DRC7: variants seen among roughly 807,000 people sequenced by gnomAD.
The protein encoded by DRC7 is coiled-coil domain containing 135.
A neutral mutation model predicts 104.4 loss-of-function variants in DRC7; 80 were observed. The ratio of observed to expected loss-of-function variants is 0.77; its 90% CI spans 0.64 to 0.92. The LOEUF is 0.92. DRC7 is among the 40% of genes least tolerant of loss of function. The pLI is 0.00. For missense variants in DRC7, 1,034 were observed against 1,141.1 expected (o/e 0.91, Z 1.35); for synonymous variants, 405 against 447.3 (o/e 0.91, Z 1.19).
intron 8 of DRC7, among the ~76,000 whole-genome samples, chr16:57,709,498 T>G (rs2048769790): frequency 6.6e-6 from 1 of 152,180 alleles, no homozygotes; most frequent in Non-Finnish European, 1.5e-5. Flanking sequence ...TTTATTTAAC[T>G]AAGGGATTTC....
chr16:57,714,328 C>G (rs1279110354), intron 8 of DRC7: 3 of 160,578 alleles, frequency 1.9e-5, no homozygotes, highest in African/African-American at 7.5e-5. Flanking sequence ...TCATCAATAC[C>G]TATGCACTCT....
Position 57,697,967 on chromosome 16 carries a change from G to T in DRC7, c.18G>T (p.Glu6Asp). Reference protein sequence around the residue: MEVLREKVEEEEEAER... With the variant: MEVLRDKVEEEEEAER... ...GCTCCAGAATGGAGGTCCTGAGGGAGAAGGTGGAGGAGGAGGAGGAGGCCG... is the reference window on the plus strand; with the variant it reads ...GCTCCAGAATGGAGGTCCTGAGGGATAAGGTGGAGGAGGAGGAGGAGGCCG... Residue 6 changes from glutamate (E) to aspartate (D), a missense_variant, in exon 3 of 19, where the codon GAG (glutamate) becomes GAT (aspartate). Glu to Asp is a conservative substitution (Grantham distance 45). Transcript: ENST00000360716. 1 of 1,613,026 alleles carries T rather than the reference G, an allele frequency of 6.2e-7. No homozygotes were observed. Among genetic ancestry groups the T allele is most frequent in the African/African-American group, 1.3e-5 (1 of 75,038 alleles).
intron 13 of DRC7, chr16:57,725,659 A>G: frequency 5.3e-6 from 1 of 188,100 alleles, no homozygotes; most frequent in Non-Finnish European, 1.1e-5. Context: ...GAGTCCCTGT[A>G]TTACCCACTT....
intron 6 of DRC7, among the ~76,000 whole-genome samples, chr16:57,704,408 G>C (rs1201007110): frequency 7.6e-6 from 1 of 131,374 alleles, no homozygotes; most frequent in Admixed American, 8.0e-5. Context: ...CACACACACG[G>C]TTTCTTCTCC....
chr16:57,705,971 C>T (rs374861676), intron 7 of DRC7, among the ~76,000 whole-genome samples: 3 of 137,326 alleles, frequency 2.2e-5, no homozygotes, highest in Non-Finnish European at 4.7e-5. Flanking sequence ...TCCATCCATC[C>T]ATCCTCCCAC....
At chr16:57,710,116 G>C (rs1007372201) in intron 8 of DRC7, among the ~76,000 whole-genome samples, 6 of 152,146 alleles carry the variant, frequency 3.9e-5, no homozygotes, top group Non-Finnish European at 1.5e-5. Context: ...AATTGAGAGA[G>C]AACCGTTTTC....
intron 9 of DRC7, among the ~76,000 whole-genome samples, chr16:57,721,429 G>A (rs2148764035): frequency 6.6e-6 from 1 of 152,272 alleles, no homozygotes; most frequent in Non-Finnish European, 1.5e-5. Flanking sequence ...CGAAGGGCCT[G>A]CAGCCAGGGC....
At chr16:57,706,591 C>T (rs1370652764) in intron 7 of DRC7, among the ~76,000 whole-genome samples, 8 of 134,218 alleles carry the variant, frequency 6.0e-5, no homozygotes, top group Admixed American at 4.4e-4. Context: ...CCCATCCTCC[C>T]ATCCGTCCAT....
At chr16:57,728,728 G>C in intron 17 of DRC7, 144 bp downstream of exon 17, 1 of 483,404 alleles carries the variant, frequency 2.1e-6, no homozygotes, top group South Asian at 2.9e-5. Flanking sequence ...GTTTCCAAAT[G>C]ACTGAGTTGT....
chr16:57,709,466 G>A (rs2048769539), intron 8 of DRC7, among the ~76,000 whole-genome samples: 1 of 151,818 alleles, frequency 6.6e-6, no homozygotes, highest in Non-Finnish European at 1.5e-5. Context: ...CTTGACTGTA[G>A]GGTTTTTATA....
rs1463344218 is a variant in DRC7, at chr16:57,731,543, G to A, written c.*285G>A. The A allele has an allele frequency of 4.3e-6, 2 of 464,622 alleles. No homozygotes were observed. The highest frequency in any genetic ancestry group is 3.8e-5 in the Admixed American group (1 of 26,192). 28.8% of individuals were successfully genotyped at this position (464,622 alleles called of 1,614,324 possible). On this transcript the variant is annotated 3_prime_UTR_variant, in exon 19 of 19. Transcript: ENST00000360716. ...TGGGACCACCCCCTTCCTCCCCTTG[G>A]CCTGTCGTTTGCTTCCTGTCCTTCT...
Position 57,718,440 on chromosome 16 carries a change from AGTGG to A in DRC7, c.1173_1176del (p.Ser391ArgfsTer2). Reference sequence around the variant, plus strand: ...GCTGTCCTTGACTGAAGAAGACGACAGTGGGATAAACGATGAGGATGATGTGGAA... The same window carrying A: ...GCTGTCCTTGACTGAAGAAGACGACAGATAAACGATGAGGATGATGTGGAA... On this transcript the variant is annotated frameshift_variant, in exon 9 of 19. Coordinates refer to ENST00000360716, the MANE Select transcript of DRC7 (RefSeq NM_001289162.2). LOFTEE classifies it high-confidence loss of function. The A allele has an allele frequency of 1.2e-6, 2 of 1,614,124 alleles. No individual in the cohort carries two copies. Among genetic ancestry groups the A allele is most frequent in the Non-Finnish European group, 1.7e-6 (2 of 1,179,972 alleles).
At chr16:57,714,463 A>G (rs1027078744) in intron 8 of DRC7, 1 of 156,084 alleles carries the variant, frequency 6.4e-6, no homozygotes, top group African/African-American at 2.4e-5. Context: ...TCTATAAAAA[A>G]AAATTCAAAA....
intron 4 of DRC7, among the ~76,000 whole-genome samples, chr16:57,699,506 G>C: frequency 6.6e-6 from 1 of 152,276 alleles, no homozygotes; most frequent in Middle Eastern, 3.4e-3. Flanking sequence ...GCCCAGAAAG[G>C]CTCAGAGACA....
chr16:57,728,467 C>T lies in DRC7; in HGVS notation c.2274C>T (p.Leu758=), dbSNP rs564325152. 44 of 1,612,364 alleles carry T rather than the reference C, an allele frequency of 2.7e-5. No individual in the cohort carries two copies. The South Asian group carries it at 4.6e-4, about 17-fold the overall frequency. The change falls in exon 17 of 19, where the codon CTC becomes CTT. Residue 758 remains leucine, a synonymous_variant. Transcript: ENST00000360716. ...LDYLAPFLAQ[L]PPGEKLTCWQ... ...ACCTGGCCCCATTCCTGGCCCAGCT[C>T]CCGCCAGGAGAGAAACTAACATGCT...
chr16:57,727,464 C>T, intron 16 of DRC7, 55 bp downstream of exon 16: 1 of 1,355,840 alleles, frequency 7.4e-7, no homozygotes, highest in Non-Finnish European at 1.1e-6. Context: ...CCCTGGTCTC[C>T]AGGGTGGTGG....
At chr16:57,724,455 G>C (rs1227838233) in intron 12 of DRC7, among the ~76,000 whole-genome samples, 160 bp from the exon 13 acceptor site, 1 of 151,986 alleles carries the variant, frequency 6.6e-6, no homozygotes, top group South Asian at 2.1e-4. Context: ...AAAGTTGTAC[G>C]CAACCTAAAC....
intron 2 of DRC7, 120 bp from the exon 3 acceptor site, chr16:57,697,793 C>T: frequency 9.2e-7 from 1 of 1,088,624 alleles, no homozygotes; most frequent in Non-Finnish European, 1.3e-6. Context: ...GAATCACTCC[C>T]TATGTGTTCG....
chr16:57,705,816 A>G (rs1315162725), intron 7 of DRC7, among the ~76,000 whole-genome samples: 1 of 96,078 alleles, frequency 1.0e-5, no homozygotes, highest in Admixed American at 1.2e-4. Context: ...TTCTCCTCCC[A>G]TCCATCCTCC....
Sources: allele counts gnomAD v4.1 joint callset (sites outside exome capture counted in the v4.1 genomes callset), GRCh38; gene constraint gnomAD v4.1.1; transcripts MANE v1.5; gene names NCBI Gene and HGNC (gene_info 2026-07-23, HGNC 2026-07-21).